ASCC3: variants seen among roughly 807,000 people sequenced by gnomAD.
ASCC3 encodes ASC-1 complex subunit P200.
A neutral mutation model predicts 256.3 loss-of-function variants in ASCC3; 158 were observed. The observed-to-expected ratio is 0.62, with a 90% CI of 0.54 to 0.70. The LOEUF is 0.70. Ranked by LOEUF, ASCC3 falls within the 30% of genes least tolerant of loss-of-function variation. The probability of loss-of-function intolerance (pLI) is 0.00; values close to 1 mark genes in which losing one functional copy is unlikely to be tolerated. For missense variants in ASCC3, 2,259 were observed against 2,626.0 expected (o/e 0.86, Z 3.05); for synonymous variants, 948 against 883.4 (o/e 1.07, Z -1.30).
chr6:100,560,789 ACACG>A (rs970299286), intron 36 of ASCC3, among the ~76,000 whole-genome samples: 1 of 150,600 alleles, frequency 6.6e-6, no homozygotes, highest in African/African-American at 2.5e-5. Context: ...ACACACACAC[ACACG>A]CACACATAAC....
intron 14 of ASCC3, among the ~76,000 whole-genome samples, chr6:100,670,003 T>C (rs146771849): frequency 5.1e-4 from 78 of 151,772 alleles, no homozygotes; most frequent in African/African-American, 1.8e-3. Flanking sequence ...AATTTCTACA[T>C]GGTAAAAAAA....
At chr6:100,554,805 A>G (rs1338787591) in intron 36 of ASCC3, among the ~76,000 whole-genome samples, 1 of 152,264 alleles carries the variant, frequency 6.6e-6, no homozygotes, top group Non-Finnish European at 1.5e-5. Flanking sequence ...AGGTCCAGAT[A>G]TATCAACGGA....
chr6:100,564,334 G>A (rs192683236), intron 36 of ASCC3, among the ~76,000 whole-genome samples: 91 of 151,970 alleles, frequency 6.0e-4, no homozygotes, highest in Middle Eastern at 6.8e-3. Context: ...GTGTTTGTAC[G>A]CATTAACCCA....
intron 36 of ASCC3, among the ~76,000 whole-genome samples, chr6:100,567,872 C>G (rs1442113608): frequency 6.6e-6 from 1 of 152,108 alleles, no homozygotes; most frequent in Non-Finnish European, 1.5e-5. Flanking sequence ...GTGCATGTGT[C>G]TTTTTGGTAG....
At position 100,655,709 on chromosome 6, in the gene ASCC3, T is replaced by C; in HGVS notation, c.2813A>G (p.Lys938Arg). ...ANPLAYGISH[K>R]AYQIDPTLRK... ...AAATGAGTTTTCTACCTGATAAGCC[T>C]TGTGACTGATGCCATATGCTAATGG... Residue 938 changes from lysine to arginine, a missense_variant, in exon 17 of 42, where the codon AAG becomes AGG. Coordinates refer to ENST00000369162, the MANE Select transcript of ASCC3 (RefSeq NM_006828.4). 6.2e-7 allele frequency: 1 copy of C among 1,610,950 alleles called. No individual in the cohort carries two copies.
chr6:100,564,134 A>G (rs1360183669), intron 36 of ASCC3, among the ~76,000 whole-genome samples: 1 of 151,588 alleles, frequency 6.6e-6, no homozygotes, highest in African/African-American at 2.4e-5. Flanking sequence ...AGTTGTACAT[A>G]TTCATGGGGT....
intron 26 of ASCC3, among the ~76,000 whole-genome samples, chr6:100,629,958 C>T (rs1459171119): frequency 1.3e-5 from 2 of 151,804 alleles, no homozygotes; most frequent in African/African-American, 4.8e-5. Flanking sequence ...AGTGTAGTGG[C>T]TTGATCTCAG....
At chr6:100,627,565 T>C in intron 29 of ASCC3, 25 bp downstream of exon 29, 2 of 1,612,488 alleles carry the variant, frequency 1.2e-6, no homozygotes, top group Non-Finnish European at 1.7e-6. Context: ...TGGTTACTAT[T>C]TTATTCCAAG....
intron 12 of ASCC3, among the ~76,000 whole-genome samples, chr6:100,715,913 T>C (rs1030093060): frequency 2.6e-5 from 4 of 151,804 alleles, no homozygotes; most frequent in African/African-American, 9.7e-5. Flanking sequence ...ATATAAACCA[T>C]AGAGCACACC....
At chr6:100,868,906 C>T (rs533686391) in intron 1 of ASCC3, among the ~76,000 whole-genome samples, 2 of 152,240 alleles carry the variant, frequency 1.3e-5, no homozygotes, top group East Asian at 3.9e-4. Context: ...AAACAATTTC[C>T]AGGCAAAAAG....
intron 13 of ASCC3, among the ~76,000 whole-genome samples, chr6:100,700,190 TC>T (rs908203386): frequency 2.0e-5 from 3 of 151,736 alleles, no homozygotes; most frequent in African/African-American, 7.3e-5. Flanking sequence ...GAACCCAGGG[TC>T]CCCATGCTGC....
intron 8 of ASCC3, among the ~76,000 whole-genome samples, chr6:100,798,117 C>T (rs1459434379): frequency 1.3e-5 from 2 of 151,986 alleles, no homozygotes; most frequent in African/African-American, 2.4e-5. Context: ...TGAAAAACCA[C>T]AGCAACTTAA....
intron 11 of ASCC3, among the ~76,000 whole-genome samples, chr6:100,721,840 G>A (rs1376509742): frequency 6.6e-6 from 1 of 150,634 alleles, no homozygotes; most frequent in Non-Finnish European, 1.5e-5. Context: ...AGTTTAATTA[G>A]GTCCTACCTG....
chr6:100,584,295 G>T (rs1276196009), intron 36 of ASCC3, among the ~76,000 whole-genome samples: 1 of 151,492 alleles, frequency 6.6e-6, no homozygotes, highest in Non-Finnish European at 1.5e-5. Flanking sequence ...TATATATTTA[G>T]GATAGTTAGC....
intron 40 of ASCC3, chr6:100,510,309 A>G: frequency 1.7e-6 from 1 of 593,794 alleles, no homozygotes; most frequent in Non-Finnish European, 3.0e-6. Flanking sequence ...AGATTCTCAG[A>G]GCATATTATA....
At chr6:100,621,355 T>G (rs1773941074) in intron 30 of ASCC3, among the ~76,000 whole-genome samples, 1 of 152,102 alleles carries the variant, frequency 6.6e-6, no homozygotes, top group Non-Finnish European at 1.5e-5. Flanking sequence ...CTAACAGATT[T>G]AACTTTCAGA....
At chr6:100,749,305 AAT>A (rs1350661686) in intron 10 of ASCC3, among the ~76,000 whole-genome samples, 1 of 152,022 alleles carries the variant, frequency 6.6e-6, no homozygotes, top group Non-Finnish European at 1.5e-5. Flanking sequence ...AGTATTTAAT[AAT>A]ATGCAAAAAT....
chr6:100,712,530 C>G (rs2115016375), intron 13 of ASCC3, among the ~76,000 whole-genome samples: 1 of 152,104 alleles, frequency 6.6e-6, no homozygotes, highest in African/African-American at 2.4e-5. Flanking sequence ...TATCACTTGT[C>G]ATTAGAAAAA....
chr6:100,653,948 A>G (rs1329877672), intron 17 of ASCC3, among the ~76,000 whole-genome samples: 1 of 152,086 alleles, frequency 6.6e-6, no homozygotes, highest in Admixed American at 6.5e-5. Context: ...AAAACAATTT[A>G]GAAATCAATT....
Sources: allele counts gnomAD v4.1 joint callset (sites outside exome capture counted in the v4.1 genomes callset), GRCh38; gene constraint gnomAD v4.1.1; transcripts MANE v1.5; gene names NCBI Gene and HGNC (gene_info 2026-07-23, HGNC 2026-07-21).